The following SPHK2 variants were observed in gnomAD, a reference collection of about 807,000 sequenced individuals.
SPHK2 encodes the protein sphingosine kinase 2.
A neutral mutation model predicts 32.3 loss-of-function variants in SPHK2; 18 were observed. The observed-to-expected ratio is 0.56, with a 90% CI of 0.39 to 0.83. The LOEUF is 0.83. Among genes scored for constraint, SPHK2 ranks in the 40% least tolerant of loss-of-function variants. The pLI, the probability that SPHK2 is intolerant of heterozygous loss-of-function variation, is 0.00. For missense variants in SPHK2, 850 were observed against 908.7 expected (o/e 0.94, Z 0.83); for synonymous variants, 462 against 417.6 (o/e 1.11, Z -1.30).
At position 48,625,881 on chromosome 19, in the gene SPHK2, C is replaced by A; in HGVS notation, c.40-10C>A. On this transcript the variant is annotated splice_polypyrimidine_tract_variant and intron_variant, in intron 2 of 6. Transcript: ENST00000245222. ...TGAATTCTCACCCCTTCTCTCCTCC[C>A]TTCCCACAGAGGCCAGACCAGGAGC... 1 of 1,610,588 alleles carries A rather than the reference C, an allele frequency of 6.2e-7. No individual in the cohort carries two copies. Among genetic ancestry groups the A allele is most frequent in the South Asian group, 1.1e-5 (1 of 90,864 alleles).
In SPHK2 at chr19:48,628,449, A is replaced by C. The variant is rs910200731; in HGVS notation, c.872+172A>C. The C allele has an allele frequency of 7.8e-6, 7 of 900,974 alleles. No homozygotes were observed. The highest frequency in any genetic ancestry group is 1.3e-5 in the Non-Finnish European group (7 of 543,238). 55.8% of individuals were successfully genotyped at this position (900,974 alleles called of 1,614,324 possible). A position where few individuals can be genotyped will look rare whatever the true frequency, so the allele number is the denominator to read the frequency against. On this transcript the variant is annotated intron_variant, in intron 6 of 6. Transcript: ENST00000245222. This position sits in a 1 kb window ranked among gnomAD's most constrained non-coding sequence, Gnocchi z 5.2. ...CTGCCTGCTTCCCAGCTGTATCCCGAGCGCCCAGAACTCTGCCTGGCATGG... is the reference window on the plus strand; with the variant it reads ...CTGCCTGCTTCCCAGCTGTATCCCGCGCGCCCAGAACTCTGCCTGGCATGG...
chr19:48,628,360 A>G lies in SPHK2; in HGVS notation c.872+83A>G. On this transcript the variant is annotated intron_variant, in intron 6 of 6. Transcript: ENST00000245222. The surrounding 1 kb of genome is among the most constrained non-coding windows in gnomAD (Gnocchi z 5.2). ...CTATATCTCCCACTCAGCCAAACCC[A>G]CAGTCAGTCAAGTAAATCAGCCTGC... 1 of 1,315,198 alleles carries G rather than the reference A, an allele frequency of 7.6e-7. No homozygotes were observed. The highest frequency in any genetic ancestry group is 1.1e-6 in the Non-Finnish European group (1 of 918,290). The allele number at this position is 1,315,198 out of a possible 1,614,324, so 81.5% of individuals were successfully genotyped here. A position where few individuals can be genotyped will look rare whatever the true frequency, so the allele number is the denominator to read the frequency against.
At position 48,629,636 on chromosome 19, in the gene SPHK2, C is replaced by T; in HGVS notation, c.1828C>T (p.Leu610=). ...CTACGCCGCGGCCCGTGCCTTCCGC[C>T]TAGAGCCGCTCACACCACGCGGCGT... is the stretch of plus-strand genomic sequence containing the variant. ...LGYAAARAFR[L]EPLTPRGVLT... Residue 610 remains leucine (L), a synonymous_variant, in exon 7 of 7, where the codon CTA becomes TTA. Transcript: ENST00000245222. 1 of 1,601,678 alleles carries T rather than the reference C, an allele frequency of 6.2e-7. No individual in the cohort carries two copies. The highest frequency in any genetic ancestry group is 1.7e-5 in the Admixed American group (1 of 57,814).
At position 48,629,785 on chromosome 19, in the gene SPHK2, C is replaced by A. The variant is rs775435128; in HGVS notation, c.*12C>A. The A allele has an allele frequency of 1.3e-6, 2 of 1,548,572 alleles. No homozygotes were observed. Among genetic ancestry groups the A allele is most frequent in the African/African-American group, 2.7e-5 (2 of 72,976 alleles). ...GGCGGGAGCCCTGAAACTAAACAAGCTTGGTACCCGCCGGGGGCGGGGCCT... is the reference window on the plus strand; with the variant it reads ...GGCGGGAGCCCTGAAACTAAACAAGATTGGTACCCGCCGGGGGCGGGGCCT... On this transcript the variant is annotated 3_prime_UTR_variant, in exon 7 of 7. Coordinates refer to ENST00000245222, the MANE Select transcript of SPHK2 (RefSeq NM_020126.5).
chr19:48,627,831 C>G lies in SPHK2; in HGVS notation c.651C>G (p.Leu217=). 6.2e-7 allele frequency: 1 copy of G among 1,611,700 alleles called. No individual in the cohort carries two copies. The highest frequency in any genetic ancestry group is 8.5e-7 in the Non-Finnish European group (1 of 1,178,772). The change falls in exon 4 of 7, where the codon CTC becomes CTG. Residue 217 remains leucine (L), a synonymous_variant. Coordinates refer to ENST00000245222, the MANE Select transcript of SPHK2 (RefSeq NM_020126.5). ...MISEAGLSFN[L]IQTERQNHAR... is the part of the protein sequence containing the mutation. ...CTGAAGCTGGGCTGTCCTTCAACCT[C>G]ATCCAGACAGGTAAGGGCCAGTGAG...
At chr19:48,624,891 C>T (rs1391191117) in intron 2 of SPHK2, 1 of 981,612 alleles carries the variant, frequency 1.0e-6, no homozygotes, top group Non-Finnish European at 1.2e-6. Context: ...GGGGGCTGTC[C>T]TGGCGCTCTG....
rs751702839 is a variant in SPHK2 at position 48,625,776 on chromosome 19, T to C, written c.40-115T>C. On this transcript the variant is annotated intron_variant, in intron 2 of 6. Coordinates refer to ENST00000245222, the MANE Select transcript of SPHK2 (RefSeq NM_020126.5). Reference sequence around the variant, plus strand: ...GTCTGAGCCTGTCTGTCTCTGATGCTCCTGTCTCACCTGCCACTGCCCCTC... The same window carrying C: ...GTCTGAGCCTGTCTGTCTCTGATGCCCCTGTCTCACCTGCCACTGCCCCTC... 6 of 1,536,224 alleles carry C rather than the reference T, an allele frequency of 3.9e-6. No individual in the cohort carries two copies. In the South Asian group the frequency reaches 6.0e-5, roughly 15 times the overall value.
Position 48,629,377 on chromosome 19 carries a change from G to A in SPHK2, c.1569G>A (p.Leu523=), listed in dbSNP as rs3745733. The A allele has an allele frequency of 0.13, 206,645 of 1,611,726 alleles. 14,115 individuals are homozygous for A. Among genetic ancestry groups the A allele is most frequent in the Non-Finnish European group, 0.14 (162,213 of 1,179,380 alleles). The change falls in exon 7 of 7, where the codon CTG becomes CTA. Residue 523 remains leucine, a synonymous_variant. Transcript: ENST00000245222. ...CGPPDHLLPP[L]GTPLPPDWVT... is the part of the protein sequence containing the mutation. ...CGCCCGACCACCTGCTGCCTCCGCT[G>A]GGCACCCCGCTGCCCCCAGACTGGG...
rs905862182 is a variant in SPHK2 at position 48,628,562 on chromosome 19, G to A, written c.873-119G>A. On this transcript the variant is annotated intron_variant, in intron 6 of 6. Coordinates refer to ENST00000245222, the MANE Select transcript of SPHK2 (RefSeq NM_020126.5). The surrounding 1 kb of genome is among the most constrained non-coding windows in gnomAD (Gnocchi z 5.2). ...GTCGCCTGGAGGTGGCCCCACGGCT[G>A]TGGTGGGCCTGGGCCATGGCCTTCG... The A allele has an allele frequency of 2.3e-6, 3 of 1,310,186 alleles. No homozygotes were observed. The highest frequency in any genetic ancestry group is 3.3e-6 in the Non-Finnish European group (3 of 922,210). The allele number at this position is 1,310,186 out of a possible 1,614,324, so 81.2% of individuals were successfully genotyped here.
intron 2 of SPHK2, chr19:48,624,799 G>C (rs935933231): frequency 2.4e-4 from 160 of 660,754 alleles, no homozygotes; most frequent in Non-Finnish European, 2.8e-4. Flanking sequence ...GGGTGAAGCA[G>C]ACGTCCTGGA....
intron 2 of SPHK2, 122 bp downstream of exon 2, chr19:48,620,675 GC>G: frequency 2.3e-6 from 2 of 859,962 alleles, no homozygotes; most frequent in Non-Finnish European, 3.5e-6. Flanking sequence ...TGTAATCCCA[GC>G]ACTCTGGGAG....
intron 1 of SPHK2, among the ~76,000 whole-genome samples, chr19:48,620,082 C>T (rs568491947): frequency 3.3e-5 from 5 of 151,154 alleles, no homozygotes; most frequent in African/African-American, 1.2e-4. Context: ...GGGCCTTACT[C>T]TCCTTATGGA....
intron 2 of SPHK2, among the ~76,000 whole-genome samples, chr19:48,621,422 C>T (rs1006775622): frequency 2.0e-5 from 3 of 152,142 alleles, no homozygotes; most frequent in African/African-American, 7.2e-5. Context: ...CTCTGTTGCC[C>T]AGGCTGGTCT....
Position 48,629,596 on chromosome 19 carries a change from C to T in SPHK2, c.1788C>T (p.Gly596=). 1 of 1,598,680 alleles carries T rather than the reference C, an allele frequency of 6.3e-7. No individual in the cohort carries two copies. Among genetic ancestry groups the T allele is most frequent in the Non-Finnish European group, 8.5e-7 (1 of 1,173,040 alleles). The change falls in exon 7 of 7, where the codon GGC becomes GGT. Residue 596 remains glycine (G), a synonymous_variant. Transcript: ENST00000245222. ...AMERGSHFSL[G]CPQLGYAAAR... ...AGCGTGGTAGCCACTTCAGCCTGGG[C>T]TGTCCGCAGCTGGGCTACGCCGCGG...
chr19:48,626,425 A>G, intron 3 of SPHK2, 63 bp downstream of exon 3: 32 of 1,469,070 alleles, frequency 2.2e-5, no homozygotes, highest in Non-Finnish European at 2.9e-5. Flanking sequence ...AATTTCCTCC[A>G]TAGGCAGCTG....
chr19:48,620,683 G>C (rs1053050227), intron 2 of SPHK2, 130 bp downstream of exon 2: 2 of 758,706 alleles, frequency 2.6e-6, no homozygotes, highest in African/African-American at 3.6e-5. Context: ...CAGCACTCTG[G>C]GAGGCCAAGG....
Position 48,629,903 on chromosome 19 carries a change from T to C in SPHK2, c.*130T>C. On this transcript the variant is annotated 3_prime_UTR_variant, in exon 7 of 7. Transcript: ENST00000245222. Reference sequence around the variant, plus strand: ...CCCTGGCCCCGTCTCAGGATTGCGCTCGCTTTCATGGGACCAGACGTGATG... The same window carrying C: ...CCCTGGCCCCGTCTCAGGATTGCGCCCGCTTTCATGGGACCAGACGTGATG... 7.0e-7 allele frequency: 1 copy of C among 1,437,660 alleles called. No homozygotes were observed. The highest frequency in any genetic ancestry group is 9.1e-7 in the Non-Finnish European group (1 of 1,097,000). 89.1% of individuals were successfully genotyped at this position (1,437,660 alleles called of 1,614,324 possible).
At chr19:48,624,614 T>A (rs1974534910) in intron 2 of SPHK2, 1 of 151,830 alleles carries the variant, frequency 6.6e-6, no homozygotes, top group African/African-American at 2.4e-5. Flanking sequence ...GGATGGCGGT[T>A]TGGGGGCCCA....
At position 48,628,593 on chromosome 19, in the gene SPHK2, T is replaced by C; in HGVS notation, c.873-88T>C. 6.6e-7 allele frequency: 1 copy of C among 1,524,738 alleles called. No individual in the cohort carries two copies. The highest frequency in any genetic ancestry group is 8.9e-7 in the Non-Finnish European group (1 of 1,117,828). 94.5% of individuals were successfully genotyped at this position (1,524,738 alleles called of 1,614,324 possible). A position where few individuals can be genotyped will look rare whatever the true frequency, so the allele number is the denominator to read the frequency against. ...GGCCTGGGCCATGGCCTTCGTGGTC[T>C]CATTGCCAGCTGCTTTCCTACCTGT... On this transcript the variant is annotated intron_variant, in intron 6 of 6. Coordinates refer to ENST00000245222, the MANE Select transcript of SPHK2 (RefSeq NM_020126.5). This position sits in a 1 kb window ranked among gnomAD's most constrained non-coding sequence, Gnocchi z 5.2.
Sources: allele counts gnomAD v4.1 joint callset (sites outside exome capture counted in the v4.1 genomes callset), GRCh38; gene constraint gnomAD v4.1.1; non-coding constraint Gnocchi (gnomAD v3.1); transcripts MANE v1.5; gene names NCBI Gene and HGNC (gene_info 2026-07-23, HGNC 2026-07-21).